SLC7A14: variants seen among roughly 807,000 people sequenced by gnomAD.
SLC7A14 encodes the protein solute carrier family 7 member 14, also known as gamma-aminobutyric acid transporter SLC7A14.
Under a neutral mutation model 60.2 loss-of-function variants are expected in SLC7A14, and 37 were observed. The ratio of observed to expected loss-of-function variants is 0.61; its 90% confidence interval spans 0.47 to 0.81. The LOEUF (loss-of-function observed/expected upper bound fraction) is 0.81. SLC7A14 is among the 30% of genes least tolerant of loss of function. SLC7A14 has a pLI of 0.00. For missense variants in SLC7A14, 886 were observed against 982.7 expected (o/e 0.90, Z 1.32); for synonymous variants, 399 against 395.8 (o/e 1.01, Z -0.10).
chr3:170,504,628 G>A (rs188477689), intron 2 of SLC7A14, among the ~76,000 whole-genome samples: 1 of 152,126 alleles, frequency 6.6e-6, no homozygotes, highest in Non-Finnish European at 1.5e-5. Context: ...CGAAACCTTG[G>A]TTTTTATCCT....
At chr3:170,534,064 T>C (rs11919616) in intron 1 of SLC7A14, among the ~76,000 whole-genome samples, 6,435 of 152,304 alleles carry the variant, frequency 0.042, 416 homozygotes, top group African/African-American at 0.15. Context: ...TTTTTTTGTT[T>C]GTTTGTTTCT....
chr3:170,534,061 G>T lies in SLC7A14; in HGVS notation c.-152-6973C>A, dbSNP rs532966286. ...TTTTCAAAGCTTGTTGGTTTTTTTT[G>T]TTTGTTTGTTTCTAAAAAGTTATTG... On this transcript the variant is annotated intron_variant, in intron 1 of 7. Transcript: ENST00000231706. Among the ~76,000 whole-genome samples the T allele has an allele frequency of 5.9e-5, 9 of 151,634 alleles. No homozygotes were observed. In the South Asian group the frequency reaches 1.3e-3, roughly 22 times the overall value.
At chr3:170,552,438 A>G (rs1183823971) in intron 1 of SLC7A14, among the ~76,000 whole-genome samples, 3 of 152,154 alleles carry the variant, frequency 2.0e-5, no homozygotes, top group African/African-American at 7.2e-5. Context: ...AAATTTATAC[A>G]TAGTACTTTA....
chr3:170,573,561 T>C (rs1454253752), intron 1 of SLC7A14, among the ~76,000 whole-genome samples: 1 of 152,232 alleles, frequency 6.6e-6, no homozygotes, highest in Non-Finnish European at 1.5e-5. Context: ...ACAAGTAAGA[T>C]AGGCTATGAG....
intron 1 of SLC7A14, among the ~76,000 whole-genome samples, chr3:170,581,360 G>T (rs1422196852): frequency 6.6e-6 from 1 of 151,958 alleles, no homozygotes; most frequent in Admixed American, 6.6e-5. Flanking sequence ...ACCATGATGG[G>T]TTCATTATTG....
At chr3:170,543,566 T>C (rs1217832449) in intron 1 of SLC7A14, among the ~76,000 whole-genome samples, 3 of 151,612 alleles carry the variant, frequency 2.0e-5, no homozygotes, top group African/African-American at 7.3e-5. Flanking sequence ...GGAGAATCGC[T>C]TGAACCCCAG....
At chr3:170,500,061 G>A (rs1376476365) in intron 3 of SLC7A14, among the ~76,000 whole-genome samples, 3 of 152,182 alleles carry the variant, frequency 2.0e-5, no homozygotes, top group Non-Finnish European at 2.9e-5. Flanking sequence ...CACAGCCACA[G>A]AATCATTCCT....
chr3:170,539,172 C>CTT (rs1713938790), intron 1 of SLC7A14, among the ~76,000 whole-genome samples: 1 of 151,852 alleles, frequency 6.6e-6, no homozygotes, highest in Non-Finnish European at 1.5e-5. Context: ...CTACCACCCT[C>CTT]CTTGGTTCAG....
At chr3:170,501,442 G>C in intron 2 of SLC7A14, 97 bp from the exon 3 acceptor site, 1 of 992,598 alleles carries the variant, frequency 1.0e-6, no homozygotes. Flanking sequence ...GACTTTCTAG[G>C]ATCTCAGAAC....
Position 170,481,181 on chromosome 3 carries a change from C to A in SLC7A14, c.1116-15G>T. The A allele has an allele frequency of 6.2e-7, 1 of 1,606,170 alleles. No homozygotes were observed. The highest frequency in any genetic ancestry group is 8.5e-7 in the Non-Finnish European group (1 of 1,176,394). On this transcript the variant is annotated splice_polypyrimidine_tract_variant and intron_variant, in intron 6 of 7. Transcript: ENST00000231706. ...GAGCCAGGAACCTGGAGGGGCCGGG[C>A]AAGCAGAGGGTTAATGGTGAGCTAC...
intron 4 of SLC7A14, among the ~76,000 whole-genome samples, chr3:170,486,729 A>C (rs1712045402): frequency 6.6e-6 from 1 of 152,018 alleles, no homozygotes; most frequent in Admixed American, 6.6e-5. Flanking sequence ...AAAATTAGCC[A>C]GGCATGGTGA....
chr3:170,569,430 T>G (rs1577570166), intron 1 of SLC7A14, among the ~76,000 whole-genome samples: 1 of 152,230 alleles, frequency 6.6e-6, no homozygotes, highest in South Asian at 2.1e-4. Context: ...TTATTGAGGA[T>G]TTTGGCATCA....
At chr3:170,531,266 T>C (rs1309001037) in intron 1 of SLC7A14, among the ~76,000 whole-genome samples, 4 of 151,956 alleles carry the variant, frequency 2.6e-5, no homozygotes, top group South Asian at 2.1e-4. Context: ...GGGCAGGTCA[T>C]GGGGCCTCTT....
intron 1 of SLC7A14, among the ~76,000 whole-genome samples, chr3:170,547,511 GAAGAAAATGTAATTATT>G (rs1477836842): frequency 2.0e-5 from 3 of 151,956 alleles, no homozygotes; most frequent in Non-Finnish European, 4.4e-5. Flanking sequence ...ATAAGCTAGA[GAAGAAAATGTAATTATT>G]AAGAAAATAA....
Position 170,467,051 on chromosome 3 carries a change from T to G in SLC7A14, c.*4A>C. ...CACCATTTCTACCCACTTGTGTGTTTCTCCTACTCTGGAGAGTAATCTAAC... is the reference window on the plus strand; with the variant it reads ...CACCATTTCTACCCACTTGTGTGTTGCTCCTACTCTGGAGAGTAATCTAAC... On this transcript the variant is annotated 3_prime_UTR_variant, in exon 8 of 8. Coordinates refer to ENST00000231706, the MANE Select transcript of SLC7A14 (RefSeq NM_020949.3). The G allele has an allele frequency of 1.3e-6, 2 of 1,587,538 alleles. No homozygotes were observed. Among genetic ancestry groups the G allele is most frequent in the Non-Finnish European group, 8.6e-7 (1 of 1,164,844 alleles).
intron 1 of SLC7A14, among the ~76,000 whole-genome samples, chr3:170,555,503 G>C (rs1036677951): frequency 3.9e-4 from 60 of 152,110 alleles, no homozygotes; most frequent in African/African-American, 1.4e-3. Context: ...ACATAATGAT[G>C]GGGCTATGCT....
chr3:170,466,929 C>T lies in SLC7A14; in HGVS notation c.*126G>A. On this transcript the variant is annotated 3_prime_UTR_variant, in exon 8 of 8. Transcript: ENST00000231706. ...AAAAGTAGCAAATGACAGGCTATGA[C>T]TAGGGATTGAATTTGGGGAAGGCTG... The T allele has an allele frequency of 1.3e-6, 1 of 793,820 alleles. No homozygotes were observed. The highest frequency in any genetic ancestry group is 2.0e-6 in the Non-Finnish European group (1 of 492,808). The allele number at this position is 793,820 out of a possible 1,614,324, so 49.2% of individuals were successfully genotyped here.
At chr3:170,505,613 C>T (rs987082736) in intron 2 of SLC7A14, among the ~76,000 whole-genome samples, 11 of 152,120 alleles carry the variant, frequency 7.2e-5, no homozygotes, top group East Asian at 1.9e-4. Context: ...TGGCCGGGCG[C>T]GGTGGCTCAT....
intron 7 of SLC7A14, among the ~76,000 whole-genome samples, chr3:170,479,170 C>CAAA (rs1253021521): frequency 6.6e-6 from 1 of 151,604 alleles, no homozygotes; most frequent in Non-Finnish European, 1.5e-5. Context: ...ACAACAACAA[C>CAAA]AACAAAAAGA....
Sources: allele counts gnomAD v4.1 joint callset (sites outside exome capture counted in the v4.1 genomes callset), GRCh38; gene constraint gnomAD v4.1.1; transcripts MANE v1.5; gene names NCBI Gene and HGNC (gene_info 2026-07-23, HGNC 2026-07-21).